DMRTA2: variants seen among roughly 807,000 people sequenced by gnomAD.
The protein encoded by DMRTA2 is DMRT like family A2, also known as doublesex- and mab-3-related transcription factor A2.
In DMRTA2, 10 loss-of-function variants were observed where a neutral mutation model predicts 29.7. The ratio of observed to expected loss-of-function variants is 0.34; its 90% CI spans 0.21 to 0.57. DMRTA2 has a LOEUF of 0.57. Among genes scored for constraint, DMRTA2 ranks in the 20% least tolerant of loss-of-function variants. DMRTA2 has a pLI of 0.87. For synonymous variants in DMRTA2, 469 were observed against 402.6 expected (o/e 1.16, Z -1.97); for missense variants, 783 against 812.1 (o/e 0.96, Z 0.44).
Position 50,419,391 on chromosome 1 carries a change from C to G in DMRTA2, c.903G>C (p.Pro301=). ...CCGAGCCTCCGCCCAGCCCTGGCGC[C>G]GGCGCGGCCTCACCCTCTTCTTTGT... ...EADKEEGEAA[P]APGLGGGSGP... Residue 301 remains proline (P), a synonymous_variant, in exon 3 of 3, where the codon CCG becomes CCC. Coordinates refer to ENST00000404795, the MANE Select transcript of DMRTA2 (RefSeq NM_032110.3). This position sits in a 1 kb window ranked among gnomAD's most constrained non-coding sequence, Gnocchi z 6.1. 3 of 1,596,740 alleles carry G rather than the reference C, an allele frequency of 1.9e-6. No homozygotes were observed. In the African/African-American group the frequency reaches 4.0e-5, roughly 21 times the overall value.
At position 50,421,568 on chromosome 1, in the gene DMRTA2, G is replaced by A; in HGVS notation, c.-8-24C>T. ...ACCTGACGGGAAAGAAGGTGGGAGA[G>A]GGGAGAGACCTGGTGAGGAGCACAC... On this transcript the variant is annotated intron_variant, in intron 1 of 2. Transcript: ENST00000404795. The surrounding 1 kb of genome is among the most constrained non-coding windows in gnomAD (Gnocchi z 8.7). 1.6e-6 allele frequency: 2 copies of A among 1,240,338 alleles called. No homozygotes were observed. Among genetic ancestry groups the A allele is most frequent in the Non-Finnish European group, 2.0e-6 (2 of 994,888 alleles). The allele number at this position is 1,240,338 out of a possible 1,614,324, so 76.8% of individuals were successfully genotyped here.
rs752009497 is a variant in DMRTA2 at position 50,418,860 on chromosome 1, G to T, written c.1434C>A (p.Arg478=). ...AGTAGGGCGCCATGAAGGCCAGACC[G>T]CGGCTGTGCGCCGCCGCCGCGGAGT... The part of the protein sequence containing the change: ...LAYSAAAAHS[R]GLAFMAPYST... Residue 478 remains arginine (R), a synonymous_variant, in exon 3 of 3, where the codon CGC becomes CGA. Coordinates refer to ENST00000404795, the MANE Select transcript of DMRTA2 (RefSeq NM_032110.3). The T allele has an allele frequency of 1.1e-3, 1,654 of 1,541,924 alleles. 1 individual carries two copies. Among genetic ancestry groups the T allele is most frequent in the Non-Finnish European group, 1.4e-3 (1,605 of 1,150,604 alleles).
rs72690461 is a variant in DMRTA2 at position 50,419,913 on chromosome 1, T to C, written c.560-179A>G. 0.01 allele frequency among the ~76,000 whole-genome samples: 1,533 copies of C among 152,154 alleles called. 14 individuals carry two copies. The highest frequency in any genetic ancestry group is 0.017 in the Non-Finnish European group (1,135 of 67,998). On this transcript the variant is annotated intron_variant, in intron 2 of 2. Transcript: ENST00000404795. The surrounding 1 kb of genome is among the most constrained non-coding windows in gnomAD (Gnocchi z 6.1). ...CTTCCGCTCTGAGCCCCTACAGCCC[T>C]GACCCCAGGGCTCCCTCTCTTTCTG...
At position 50,420,887 on chromosome 1, in the gene DMRTA2, C is replaced by G; in HGVS notation, c.559+91G>C. ...GTCGCGGCGACTGGACACGGGGGTT[C>G]TACTCTTTCTGAACCGAGACAAGCC... On this transcript the variant is annotated intron_variant, in intron 2 of 2. Coordinates refer to ENST00000404795, the MANE Select transcript of DMRTA2 (RefSeq NM_032110.3). This position sits in a 1 kb window ranked among gnomAD's most constrained non-coding sequence, Gnocchi z 4.1. The G allele has an allele frequency of 7.2e-7, 1 of 1,380,162 alleles. No homozygotes were observed. Among genetic ancestry groups the G allele is most frequent in the South Asian group, 1.6e-5 (1 of 60,920 alleles). The allele number at this position is 1,380,162 out of a possible 1,614,324, so 85.5% of individuals were successfully genotyped here.
At position 50,421,121 on chromosome 1, in the gene DMRTA2, A is replaced by AT. The variant is rs1379281341; in HGVS notation, c.415_416insA (p.Leu139HisfsTer56). The AT allele has an allele frequency of 6.5e-7, 1 of 1,527,226 alleles. No homozygotes were observed. Among genetic ancestry groups the AT allele is most frequent in the Non-Finnish European group, 8.8e-7 (1 of 1,141,034 alleles). 94.6% of individuals were successfully genotyped at this position (1,527,226 alleles called of 1,614,324 possible). On this transcript the variant is annotated frameshift_variant, in exon 2 of 3. Transcript: ENST00000404795. LOFTEE classifies it high-confidence loss of function. The surrounding 1 kb of genome is among the most constrained non-coding windows in gnomAD (Gnocchi z 8.7). The stretch of plus-strand genomic sequence containing the variant: ...GATGCCGTTGGCGGCGGCCAGCGCC[A>AT]GCCCCTCGGCAGTGCCGTAGAGCAG...
chr1:50,419,699 T>C lies in DMRTA2; in HGVS notation c.595A>G (p.Thr199Ala), dbSNP rs1646022321. ...KLQKFDLFPK[T>A]LLQAGRPGSP... is the part of the protein sequence containing the mutation. ...CCCGGGCGGCCTGCCTGCAGCAGCG[T>C]CTTAGGAAACAGGTCAAACTTCTGC... Residue 199 changes from threonine (T) to alanine (A), a missense_variant, in exon 3 of 3, where the codon ACG becomes GCG. Coordinates refer to ENST00000404795, the MANE Select transcript of DMRTA2 (RefSeq NM_032110.3). This position sits in a 1 kb window ranked among gnomAD's most constrained non-coding sequence, Gnocchi z 6.1. The C allele has an allele frequency of 1.3e-6, 2 of 1,499,782 alleles. No homozygotes were observed. The highest frequency in any genetic ancestry group is 1.5e-5 in the African/African-American group (1 of 68,746). The allele number at this position is 1,499,782 out of a possible 1,614,324, so 92.9% of individuals were successfully genotyped here.
chr1:50,419,367 C>G lies in DMRTA2; in HGVS notation c.927G>C (p.Ser309=). Residue 309 remains serine, a synonymous_variant, in exon 3 of 3, where the codon TCG becomes TCC. Coordinates refer to ENST00000404795, the MANE Select transcript of DMRTA2 (RefSeq NM_032110.3). The surrounding 1 kb of genome is among the most constrained non-coding windows in gnomAD (Gnocchi z 6.1). ...AAPAPGLGGG[S]GPRQRTPLDI... is the part of the protein sequence containing the mutation. ...CCAGCGGCGTCCGCTGCCGTGGACC[C>G]GAGCCTCCGCCCAGCCCTGGCGCCG... 6.3e-7 allele frequency: 1 copy of G among 1,596,790 alleles called. No individual in the cohort carries two copies. Among genetic ancestry groups the G allele is most frequent in the African/African-American group, 1.3e-5 (1 of 74,808 alleles).
rs749971395 is a variant in DMRTA2, at chr1:50,418,800, G to A, written c.1494C>T (p.Arg498=). The A allele has an allele frequency of 6.9e-6, 11 of 1,588,050 alleles. No individual in the cohort carries two copies. The highest frequency in any genetic ancestry group is 9.4e-6 in the Non-Finnish European group (11 of 1,169,860). The change falls in exon 3 of 3, where the codon CGC becomes CGT. Residue 498 remains arginine, a synonymous_variant. Coordinates refer to ENST00000404795, the MANE Select transcript of DMRTA2 (RefSeq NM_032110.3). ...TAGLVPTLGF[R]PPMDYAFSDL... is the part of the protein sequence containing the mutation. ...CGCTAAAGGCGTAGTCCATGGGTGG[G>A]CGGAAGCCGAGCGTGGGCACCAAGC...
At position 50,421,687 on chromosome 1, in the gene DMRTA2, G is replaced by T. The variant is rs1646040275; in HGVS notation, c.-8-143C>A. The stretch of plus-strand genomic sequence containing the variant: ...GGGCTAGAGGGGCCAGAATTGCTGG[G>T]AGGAGGTGCAGTCGGAACCTCCTTG... On this transcript the variant is annotated intron_variant, in intron 1 of 2. Transcript: ENST00000404795. This position sits in a 1 kb window ranked among gnomAD's most constrained non-coding sequence, Gnocchi z 8.7. 1 of 1,021,720 alleles carries T rather than the reference G, an allele frequency of 9.8e-7. No homozygotes were observed. Among genetic ancestry groups the T allele is most frequent in the Non-Finnish European group, 1.2e-6 (1 of 806,208 alleles). 63.3% of individuals were successfully genotyped at this position (1,021,720 alleles called of 1,614,324 possible).
In DMRTA2 at chr1:50,421,782, G is replaced by C; in HGVS notation, c.-8-238C>G. The C allele has an allele frequency of 2.8e-6, 1 of 362,096 alleles. No homozygotes were observed. Among genetic ancestry groups the C allele is most frequent in the Non-Finnish European group, 4.8e-6 (1 of 207,264 alleles). 22.4% of individuals were successfully genotyped at this position (362,096 alleles called of 1,614,324 possible). On this transcript the variant is annotated intron_variant, in intron 1 of 2. Coordinates refer to ENST00000404795, the MANE Select transcript of DMRTA2 (RefSeq NM_032110.3). The surrounding 1 kb of genome is among the most constrained non-coding windows in gnomAD (Gnocchi z 8.7). ...GACCTGATATACACGCTAGGGGTAA[G>C]ATTTTGTCTGAATTAGTGATTCCGC...
rs1646024499 is a variant in DMRTA2 at position 50,419,990 on chromosome 1, T to G, written c.560-256A>C. On this transcript the variant is annotated intron_variant, in intron 2 of 2. Coordinates refer to ENST00000404795, the MANE Select transcript of DMRTA2 (RefSeq NM_032110.3). This position sits in a 1 kb window ranked among gnomAD's most constrained non-coding sequence, Gnocchi z 6.1. ...GCCCTGTAAACTCGATGTTCAGTGC[T>G]GCTTTCCCCACGTCTGTGCCCCAAC... Among the ~76,000 whole-genome samples, 1 of 152,172 alleles carries G rather than the reference T, an allele frequency of 6.6e-6. No homozygotes were observed. The highest frequency in any genetic ancestry group is 2.4e-5 in the African/African-American group (1 of 41,430).
rs1455487135 is a variant in DMRTA2 at position 50,422,640 on chromosome 1, C to A, written c.-9+476G>T. Among the ~76,000 whole-genome samples the A allele has an allele frequency of 6.6e-6, 1 of 152,226 alleles. No individual in the cohort carries two copies. Among genetic ancestry groups the A allele is most frequent in the East Asian group, 1.9e-4 (1 of 5,190 alleles). The stretch of plus-strand genomic sequence containing the variant: ...GGGATCTTTCTCGAAGACCACCTCA[C>A]ACTGCCCTCCCCTCCCCTCCGGGTT... On this transcript the variant is annotated intron_variant, in intron 1 of 2. Transcript: ENST00000404795. The surrounding 1 kb of genome is among the most constrained non-coding windows in gnomAD (Gnocchi z 5.7).
At position 50,418,843 on chromosome 1, in the gene DMRTA2, G is replaced by C. The variant is rs1397066807; in HGVS notation, c.1451C>G (p.Ala484Gly). Residue 484 changes from alanine (A) to glycine (G), a missense_variant, in exon 3 of 3, where the codon GCG (alanine) becomes GGG (glycine). By Grantham distance (60) the Ala-to-Gly change is moderately conservative (BLOSUM62 0). Transcript: ENST00000404795. ...CACCAAGCCGGCAGTGGAGTAGGGC[G>C]CCATGAAGGCCAGACCGCGGCTGTG... ...AAHSRGLAFM[A>G]PYSTAGLVPT... 6.4e-7 allele frequency: 1 copy of C among 1,572,180 alleles called. No individual in the cohort carries two copies. The highest frequency in any genetic ancestry group is 8.6e-7 in the Non-Finnish European group (1 of 1,163,128).
In DMRTA2 at chr1:50,420,500, T is replaced by G. The variant is rs185331854; in HGVS notation, c.559+478A>C. 6.6e-6 allele frequency among the ~76,000 whole-genome samples: 1 copy of G among 151,954 alleles called. No homozygotes were observed. The highest frequency in any genetic ancestry group is 1.9e-4 in the East Asian group (1 of 5,170). ...CAGCAAGCGGTTGTCCAGAGGGCGT[T>G]AGGAACGCGAGAAGGGGAAAAGAAA... On this transcript the variant is annotated intron_variant, in intron 2 of 2. Transcript: ENST00000404795. This position sits in a 1 kb window ranked among gnomAD's most constrained non-coding sequence, Gnocchi z 4.1.
Position 50,421,641 on chromosome 1 carries a change from G to A in DMRTA2, c.-8-97C>T, listed in dbSNP as rs1183921580. 2 of 1,191,378 alleles carry A rather than the reference G, an allele frequency of 1.7e-6. No homozygotes were observed. The highest frequency in any genetic ancestry group is 3.2e-5 in the African/African-American group (2 of 62,662). The allele number at this position is 1,191,378 out of a possible 1,614,324, so 73.8% of individuals were successfully genotyped here. A position where few individuals can be genotyped will look rare whatever the true frequency, so the allele number is the denominator to read the frequency against. On this transcript the variant is annotated intron_variant, in intron 1 of 2. Coordinates refer to ENST00000404795, the MANE Select transcript of DMRTA2 (RefSeq NM_032110.3). The surrounding 1 kb of genome is among the most constrained non-coding windows in gnomAD (Gnocchi z 8.7). ...CCTTGAGGAACCCAAGCTGGAGAGG[G>A]AAATTTGGGCCGCGGAGGCTGGGCT...
At position 50,419,121 on chromosome 1, in the gene DMRTA2, G is replaced by T. The variant is rs1261221454; in HGVS notation, c.1173C>A (p.Ala391=). Residue 391 remains alanine, a synonymous_variant, in exon 3 of 3, where the codon GCC becomes GCA. Coordinates refer to ENST00000404795, the MANE Select transcript of DMRTA2 (RefSeq NM_032110.3). The surrounding 1 kb of genome is among the most constrained non-coding windows in gnomAD (Gnocchi z 6.1). ...DAWPSRVDAA[A]AAAAAAGGPG... is the part of the protein sequence containing the mutation. ...GCCCCCCGGCGGCGGCGGCGGCGGCGGCGGCGGCGTCGACGCGGCTGGGCC... is the reference window on the plus strand; with the variant it reads ...GCCCCCCGGCGGCGGCGGCGGCGGCTGCGGCGGCGTCGACGCGGCTGGGCC... 3.4e-6 allele frequency: 4 copies of T among 1,193,674 alleles called. No individual in the cohort carries two copies. Among genetic ancestry groups the T allele is most frequent in the Non-Finnish European group, 4.1e-6 (4 of 968,222 alleles). 73.9% of individuals were successfully genotyped at this position (1,193,674 alleles called of 1,614,324 possible). A position where few individuals can be genotyped will look rare whatever the true frequency, so the allele number is the denominator to read the frequency against.
At position 50,420,926 on chromosome 1, in the gene DMRTA2, CCCCAGAG is replaced by C. The variant is rs1442214445; in HGVS notation, c.559+45_559+51del. 1 of 1,399,104 alleles carries C rather than the reference CCCCAGAG, an allele frequency of 7.1e-7. No homozygotes were observed. The highest frequency in any genetic ancestry group is 9.2e-7 in the Non-Finnish European group (1 of 1,086,008). 86.7% of individuals were successfully genotyped at this position (1,399,104 alleles called of 1,614,324 possible). A position where few individuals can be genotyped will look rare whatever the true frequency, so the allele number is the denominator to read the frequency against. On this transcript the variant is annotated intron_variant, in intron 2 of 2. Transcript: ENST00000404795. The surrounding 1 kb of genome is among the most constrained non-coding windows in gnomAD (Gnocchi z 4.1). The stretch of plus-strand genomic sequence containing the variant: ...CCGAGACAAGCCCCTGGGCCCCGTG[CCCCAGAG>C]CTACGATCCTGCTGCCCCTACCTGC...
chr1:50,419,083 G>T lies in DMRTA2; in HGVS notation c.1211C>A (p.Ala404Glu), dbSNP rs758271273. ...AAAAGGPGLP[A>E]PLQAGPAAPP... Reference sequence around the variant, plus strand: ...TGCGGCGGGCCCCGCCTGCAGCGGCGCAGGCAGCCCAGGCCCCCCGGCGGC... The same window carrying T: ...TGCGGCGGGCCCCGCCTGCAGCGGCTCAGGCAGCCCAGGCCCCCCGGCGGC... The change falls in exon 3 of 3, where the codon GCG becomes GAG. Residue 404 changes from alanine (A) to glutamate (E), a missense_variant. Coordinates refer to ENST00000404795, the MANE Select transcript of DMRTA2 (RefSeq NM_032110.3). This position sits in a 1 kb window ranked among gnomAD's most constrained non-coding sequence, Gnocchi z 6.1. 8.3e-4 allele frequency: 1,033 copies of T among 1,250,408 alleles called. 15 individuals are homozygous for T. The highest frequency in any genetic ancestry group is 1.3e-4 in the Admixed American group (3 of 23,864). The allele number at this position is 1,250,408 out of a possible 1,614,324, so 77.5% of individuals were successfully genotyped here.
In DMRTA2 at chr1:50,422,746, A is replaced by T. The variant is rs554642720; in HGVS notation, c.-9+370T>A. On this transcript the variant is annotated intron_variant, in intron 1 of 2. Coordinates refer to ENST00000404795, the MANE Select transcript of DMRTA2 (RefSeq NM_032110.3). This position sits in a 1 kb window ranked among gnomAD's most constrained non-coding sequence, Gnocchi z 5.7. The stretch of plus-strand genomic sequence containing the variant: ...CTCGAGCGCAGGCTCCTGCGTTCTG[A>T]TCTCAGAGTTGGGGTCCTAGGACAC... 1.3e-3 allele frequency among the ~76,000 whole-genome samples: 196 copies of T among 151,956 alleles called. No individual in the cohort carries two copies. The highest frequency in any genetic ancestry group is 4.4e-3 in the African/African-American group (184 of 41,464).
Sources: gnomAD v4.1 joint callset for allele counts (sites outside exome capture counted in the v4.1 genomes callset) on GRCh38, gnomAD v4.1.1 for gene constraint, Gnocchi (gnomAD v3.1) non-coding constraint, MANE v1.5 for transcripts, NCBI Gene and HGNC (gene_info 2026-07-23, HGNC 2026-07-21) for gene names.